SS18: variants seen among roughly 807,000 people sequenced by gnomAD.
SS18 encodes SS18 subunit of BAF chromatin remodeling complex.
SS18 carries 28 observed loss-of-function variants against 72.5 expected under a neutral mutation model. The ratio of observed to expected loss-of-function variants is 0.39; its 90% confidence interval spans 0.29 to 0.53. The LOEUF (loss-of-function observed/expected upper bound fraction) is 0.53, where lower values mean the gene tolerates loss of function less well. Ranked by LOEUF, SS18 falls within the 20% of genes least tolerant of loss-of-function variation. The probability of loss-of-function intolerance (pLI) is 0.76; values close to 1 mark genes in which losing one functional copy is unlikely to be tolerated. For synonymous variants in SS18, 172 were observed against 164.2 expected (o/e 1.05, Z -0.37); for missense variants, 518 against 535.3 (o/e 0.97, Z 0.32).
At chr18:26,057,294 C>CT (rs1445523128) in intron 4 of SS18, among the ~76,000 whole-genome samples, 2 of 152,084 alleles carry the variant, frequency 1.3e-5, no homozygotes, top group East Asian at 3.8e-4. Context: ...GGTGCAACGC[C>CT]TTTTTTTCCA....
intron 1 of SS18, among the ~76,000 whole-genome samples, chr18:26,088,498 C>T (rs556646988): frequency 1.3e-4 from 20 of 152,244 alleles, no homozygotes; most frequent in African/African-American, 4.6e-4. Context: ...CATAATTATG[C>T]TGTCTCAAAA....
intron 5 of SS18, among the ~76,000 whole-genome samples, chr18:26,040,019 A>T (rs1238084905): frequency 6.6e-6 from 1 of 152,222 alleles, no homozygotes; most frequent in Admixed American, 6.5e-5. Flanking sequence ...AATCTTAAAA[A>T]GTCTTCTTTC....
Position 26,035,036 on chromosome 18 carries a change from C to T in SS18, c.1065G>A (p.Gln355=). The T allele has an allele frequency of 6.2e-7, 1 of 1,613,480 alleles. No individual in the cohort carries two copies. The change falls in exon 9 of 11, where the codon CAG becomes CAA. Residue 355 remains glutamine (Q), a synonymous_variant. Transcript: ENST00000415083. This position sits in a 1 kb window ranked among gnomAD's most constrained non-coding sequence, Gnocchi z 4.4. ...YPPQQQQYPG[Q]QGYPGQQQGY... is the part of the protein sequence containing the mutation. The stretch of plus-strand genomic sequence containing the variant: ...CCTGCTGCTGTCCTGGGTAACCTTG[C>T]TGCCCTGGGTACTGCTGCTGCTGGG...
At chr18:26,059,172 A>G (rs2054076293) in intron 3 of SS18, among the ~76,000 whole-genome samples, 1 of 152,208 alleles carries the variant, frequency 6.6e-6, no homozygotes, top group Admixed American at 6.5e-5. Flanking sequence ...AAAACTCATA[A>G]AATCTAGACA....
intron 5 of SS18, among the ~76,000 whole-genome samples, chr18:26,047,259 C>CAAAAAAAAAAAAAAAAA (rs71169806): frequency 2.6e-5 from 2 of 75,714 alleles, no homozygotes; most frequent in African/African-American, 4.3e-5. Flanking sequence ...AGTAATATGC[C>CAAAAAAAAAAAAAAAAA]AAAAAAAAAA....
intron 10 of SS18, among the ~76,000 whole-genome samples, chr18:26,031,969 C>T (rs1426966498): frequency 6.6e-6 from 1 of 151,896 alleles, no homozygotes; most frequent in Non-Finnish European, 1.5e-5. Context: ...ACTAAGGTTA[C>T]CAGAGGTTGG....
chr18:26,051,127 G>C (rs775521620), intron 5 of SS18, among the ~76,000 whole-genome samples: 1 of 152,002 alleles, frequency 6.6e-6, no homozygotes, highest in Non-Finnish European at 1.5e-5. Flanking sequence ...CTTAAGCCCA[G>C]GTGTTCAAGA....
In SS18 at chr18:26,038,515, A is replaced by G. The variant is rs376758443; in HGVS notation, c.880+40T>C. 1,438 of 1,516,352 alleles carry G rather than the reference A, an allele frequency of 9.5e-4. 29 individuals carry two copies. In the South Asian group the frequency reaches 0.015, roughly 16 times the overall value. 93.9% of individuals were successfully genotyped at this position (1,516,352 alleles called of 1,614,324 possible). A position where few individuals can be genotyped will look rare whatever the true frequency, so the allele number is the denominator to read the frequency against. ...ATAACTCTCTACATTAATATTAGGC[A>G]GGGATAGAAAATGGGAAAGTTAACA... On this transcript the variant is annotated intron_variant, in intron 7 of 10. Transcript: ENST00000415083.
At chr18:26,055,580 T>C (rs982243633) in intron 4 of SS18, among the ~76,000 whole-genome samples, 2 of 152,120 alleles carry the variant, frequency 1.3e-5, no homozygotes, top group East Asian at 1.9e-4. Flanking sequence ...TAATGAAATA[T>C]ACATTAAAAA....
chr18:26,032,033 C>T (rs538410935), intron 10 of SS18, among the ~76,000 whole-genome samples: 96 of 152,142 alleles, frequency 6.3e-4, no homozygotes, highest in African/African-American at 2.1e-3. Flanking sequence ...AATTTATTAA[C>T]GTTGAACTGT....
chr18:26,038,180 A>C (rs2053657688), intron 7 of SS18, among the ~76,000 whole-genome samples: 1 of 152,194 alleles, frequency 6.6e-6, no homozygotes, highest in Admixed American at 6.5e-5. Flanking sequence ...CAATTAATAC[A>C]AGTCAACTAA....
intron 10 of SS18, 40 bp from the exon 11 acceptor site, chr18:26,018,420 G>T: frequency 1.5e-6 from 2 of 1,378,746 alleles, no homozygotes; most frequent in South Asian, 2.5e-5. Context: ...ATAATAGTTT[G>T]ACCATAACAG....
chr18:26,023,088 T>TAG (rs1169507953), intron 10 of SS18, among the ~76,000 whole-genome samples: 2 of 152,176 alleles, frequency 1.3e-5, no homozygotes, highest in African/African-American at 2.4e-5. Flanking sequence ...TAAGAATATC[T>TAG]CTAGGTATAC....
Position 26,090,511 on chromosome 18 carries a change from G to T in SS18, c.59C>A (p.Ala20Glu). 6.3e-7 allele frequency: 1 copy of T among 1,578,300 alleles called. No homozygotes were observed. Among genetic ancestry groups the T allele is most frequent in the Non-Finnish European group, 8.6e-7 (1 of 1,162,340 alleles). The change falls in exon 1 of 11, where the codon GCG (alanine) becomes GAG (glutamate). Residue 20 changes from alanine to glutamate, a missense_variant. By Grantham distance (107) the Ala-to-Glu change is moderately radical. Coordinates refer to ENST00000415083, the MANE Select transcript of SS18 (RefSeq NM_001007559.3). ...QRGKGEITPA[A>E]IQKMLDDNNH... Reference sequence around the variant, plus strand: ...CCCGCGCGGTTTCACCTTCTGAATCGCAGCGGGAGTGATCTCCCCCTTGCC... The same window carrying T: ...CCCGCGCGGTTTCACCTTCTGAATCTCAGCGGGAGTGATCTCCCCCTTGCC...
Position 26,090,447 on chromosome 18 carries a change from T to C in SS18, c.69+54A>G. 3 of 1,527,584 alleles carry C rather than the reference T, an allele frequency of 2.0e-6. No individual in the cohort carries two copies. The South Asian group carries it at 3.6e-5, about 18-fold the overall frequency. 94.6% of individuals were successfully genotyped at this position (1,527,584 alleles called of 1,614,324 possible). On this transcript the variant is annotated intron_variant, in intron 1 of 10. Transcript: ENST00000415083. ...CGGGCCCGGCCCTTCCCCCCGCGTC[T>C]GTCTCTCCCAGAGGCGGTAAGGGCC...
At chr18:26,067,061 T>C (rs943881320) in intron 3 of SS18, among the ~76,000 whole-genome samples, 1 of 152,246 alleles carries the variant, frequency 6.6e-6, no homozygotes, top group Non-Finnish European at 1.5e-5. Context: ...CTTTATAGTT[T>C]TCTCTTTTGC....
chr18:26,072,371 AT>A (rs1227482095), intron 3 of SS18, among the ~76,000 whole-genome samples: 11 of 145,560 alleles, frequency 7.6e-5, no homozygotes, highest in Admixed American at 3.4e-4. Context: ...AAAAAAAAAA[AT>A]CTACATCCTA....
chr18:26,086,349 T>C (rs890016738), intron 2 of SS18, among the ~76,000 whole-genome samples: 3 of 152,186 alleles, frequency 2.0e-5, no homozygotes, highest in South Asian at 4.1e-4. Context: ...CAGTAAAATA[T>C]GGCTAATCCA....
rs2053261979 is a variant in SS18 at position 26,017,052 on chromosome 18, C to T, written c.*1302G>A. The T allele has an allele frequency of 4.5e-6, 1 of 223,080 alleles. No individual in the cohort carries two copies. The highest frequency in any genetic ancestry group is 5.7e-5 in the Admixed American group (1 of 17,432). The allele number at this position is 223,080 out of a possible 1,614,324, so 13.8% of individuals were successfully genotyped here. On this transcript the variant is annotated 3_prime_UTR_variant, in exon 11 of 11. Coordinates refer to ENST00000415083, the MANE Select transcript of SS18 (RefSeq NM_001007559.3). The stretch of plus-strand genomic sequence containing the variant: ...TAAATAACCGTGGTTAGAAATTTTT[C>T]AATGCATGCTTTCCTGCCCCACGCA...
Sources: gnomAD v4.1 joint callset for allele counts (sites outside exome capture counted in the v4.1 genomes callset) on GRCh38, gnomAD v4.1.1 for gene constraint, Gnocchi (gnomAD v3.1) non-coding constraint, MANE v1.5 for transcripts, NCBI Gene and HGNC (gene_info 2026-07-23, HGNC 2026-07-21) for gene names.